The following ZDHHC15 variants were observed in gnomAD, a reference collection of about 807,000 sequenced individuals.
ZDHHC15 encodes the protein zDHHC palmitoyltransferase 15.
A neutral mutation model predicts 31.7 loss-of-function variants in ZDHHC15; 19 were observed. The observed-to-expected ratio is 0.60, with a 90% CI of 0.42 to 0.88. ZDHHC15 has a LOEUF of 0.88. Ranked by LOEUF, ZDHHC15 falls within the 40% of genes least tolerant of loss-of-function variation. The pLI is 0.00. For missense variants in ZDHHC15, 209 were observed against 251.2 expected (o/e 0.83, Z 1.14); for synonymous variants, 103 against 90.0 (o/e 1.14, Z -0.82).
chrX:75,413,500 T>G (rs1019931817), intron 10 of ZDHHC15, among the ~76,000 whole-genome samples: 1 of 110,747 alleles, frequency 9.0e-6, no homozygotes. Flanking sequence ...ACCCCAACTC[T>G]ACTAAAAATA....
intron 4 of ZDHHC15, 198 bp downstream of exon 4, chrX:75,450,604 T>C (rs1374668773): frequency 1.7e-5 from 14 of 822,162 alleles, no homozygotes; most frequent in Non-Finnish European, 2.2e-5. Flanking sequence ...GTTTGGGGTA[T>C]ACAGTTTGTT....
At chrX:75,421,441 T>A (rs1196893206) in intron 9 of ZDHHC15, among the ~76,000 whole-genome samples, 2 of 65,730 alleles carry the variant, frequency 3.0e-5, no homozygotes, top group East Asian at 4.2e-4. Context: ...ATAATATATA[T>A]TATATATATA....
rs55847003 is a variant in ZDHHC15, at chrX:75,463,575, TACAACAACA to T, written c.259-12662_259-12654del. 4.0e-5 allele frequency among the ~76,000 whole-genome samples: 4 copies of T among 100,743 alleles called. No homozygotes were observed. In the South Asian group the frequency reaches 1.5e-3, roughly 38 times the overall value. 87.5% of individuals were successfully genotyped at this position (100,743 alleles called of 115,157 possible). On this transcript the variant is annotated intron_variant, in intron 3 of 11. Coordinates refer to ENST00000373367, the MANE Select transcript of ZDHHC15 (RefSeq NM_144969.3). The stretch of plus-strand genomic sequence containing the variant: ...CCAGAATCTATAAAGAACTCAAATT[TACAACAACA>T]ACAACAACAACAACAACAACAAAAA...
Position 75,387,634 on chromosome X carries a change from G to A in ZDHHC15, c.968-8436C>T, listed in dbSNP as rs2083193785. Among the ~76,000 whole-genome samples, 3 of 111,464 alleles carry A rather than the reference G, an allele frequency of 2.7e-5. No homozygotes were observed. In the Admixed American group the frequency reaches 2.8e-4, roughly 11 times the overall value. ...TAAAGGAGAGAAAAAGAATGAAAAG[G>A]AAAAGAGATCACCTACAAGATACAG... On this transcript the variant is annotated intron_variant, in intron 10 of 11. Transcript: ENST00000373367.
At chrX:75,448,480 C>T (rs1364224013) in intron 4 of ZDHHC15, among the ~76,000 whole-genome samples, 1 of 112,130 alleles carries the variant, frequency 8.9e-6, no homozygotes, top group Non-Finnish European at 1.9e-5. Context: ...TGTCTTCTTC[C>T]TTCTCTTATC....
At chrX:75,403,984 A>G (rs2083384282) in intron 10 of ZDHHC15, among the ~76,000 whole-genome samples, 1 of 112,260 alleles carries the variant, frequency 8.9e-6, no homozygotes, top group Admixed American at 9.4e-5. Context: ...CTATACTACA[A>G]GGATACAGTG....
chrX:75,384,654 T>G, intron 10 of ZDHHC15: 1 of 861,289 alleles, frequency 1.2e-6, no homozygotes, highest in Non-Finnish European at 1.7e-6. Flanking sequence ...AGAGCCGAGA[T>G]AGCTTCCTGA....
At chrX:75,452,148 GAGACAC>G (rs2084130750) in intron 3 of ZDHHC15, among the ~76,000 whole-genome samples, 1 of 106,404 alleles carries the variant, frequency 9.4e-6, no homozygotes, top group East Asian at 3.0e-4. Context: ...CTCACGTGCA[GAGACAC>G]ACATAGGCTC....
chrX:75,444,896 A>C (rs945217613), intron 4 of ZDHHC15, among the ~76,000 whole-genome samples: 42 of 108,471 alleles, frequency 3.9e-4, no homozygotes, highest in African/African-American at 1.3e-3. Flanking sequence ...TTACGTGATC[A>C]GGGTTCCTGG....
chrX:75,522,697 C>T (rs966797483), intron 1 of ZDHHC15, among the ~76,000 whole-genome samples, 192 bp downstream of exon 1: 7 of 109,997 alleles, frequency 6.4e-5, no homozygotes, highest in African/African-American at 2.3e-4. Context: ...GATGGAGACA[C>T]GGCGGGACCC....
rs769419652 is a variant in ZDHHC15 at position 75,435,200 on chromosome X, A to G, written c.380-3680T>C. On this transcript the variant is annotated intron_variant, in intron 4 of 11. Transcript: ENST00000373367. ...TTGTATACATTAATTTTGTAACGTG[A>G]AATTTTATTGAATTCATTGATCAGA... Among the ~76,000 whole-genome samples the G allele has an allele frequency of 8.9e-5, 10 of 111,970 alleles. No individual in the cohort carries two copies. The South Asian group carries it at 3.7e-3, about 42-fold the overall frequency.
intron 10 of ZDHHC15, among the ~76,000 whole-genome samples, chrX:75,405,850 G>C (rs963188249): frequency 5.4e-5 from 6 of 112,082 alleles, no homozygotes; most frequent in African/African-American, 1.6e-4. Context: ...TCACACAATT[G>C]CTACAGAATA....
At chrX:75,416,975 C>A (rs2083555796) in intron 10 of ZDHHC15, 112 bp downstream of exon 10, 1 of 574,608 alleles carries the variant, frequency 1.7e-6, no homozygotes. Flanking sequence ...CTCCACCATC[C>A]AGAGGACACT....
chrX:75,474,806 C>A (rs1357043563), intron 3 of ZDHHC15, among the ~76,000 whole-genome samples: 1 of 109,923 alleles, frequency 9.1e-6, no homozygotes, highest in Admixed American at 9.8e-5. Context: ...GCCTGTAATC[C>A]CAGCACTTTG....
intron 10 of ZDHHC15, among the ~76,000 whole-genome samples, chrX:75,403,427 A>G (rs2083378108): frequency 8.9e-6 from 1 of 112,131 alleles, no homozygotes; most frequent in Admixed American, 9.4e-5. Flanking sequence ...ATAGGAAGAG[A>G]AGAAGTCAAA....
intron 2 of ZDHHC15, among the ~76,000 whole-genome samples, chrX:75,495,234 C>T (rs1187381740): frequency 2.7e-5 from 3 of 111,823 alleles, no homozygotes; most frequent in Non-Finnish European, 5.6e-5. Context: ...CAATGAGATA[C>T]TATCTCACAC....
intron 10 of ZDHHC15, among the ~76,000 whole-genome samples, chrX:75,396,150 T>C (rs2083296826): frequency 9.0e-6 from 1 of 111,474 alleles, no homozygotes. Context: ...ACAAATGGGA[T>C]CACATCAAGT....
At chrX:75,520,089 C>T (rs747481890) in intron 1 of ZDHHC15, among the ~76,000 whole-genome samples, 15 of 112,032 alleles carry the variant, frequency 1.3e-4, no homozygotes, top group Non-Finnish European at 2.4e-4. Flanking sequence ...AGGTAAGCTA[C>T]TTATTCTGTC....
intron 9 of ZDHHC15, among the ~76,000 whole-genome samples, chrX:75,419,113 G>A (rs766518576): frequency 1.8e-5 from 2 of 109,730 alleles, no homozygotes; most frequent in Admixed American, 1.9e-4. Context: ...ATTTACAAGA[G>A]AAAAACAAAC....
Sources: gnomAD v4.1 joint callset for allele counts (sites outside exome capture counted in the v4.1 genomes callset) on GRCh38, gnomAD v4.1.1 for gene constraint, MANE v1.5 for transcripts, NCBI Gene and HGNC (gene_info 2026-07-23, HGNC 2026-07-21) for gene names.